PTPRE: variants seen among roughly 807,000 people sequenced by gnomAD.
PTPRE encodes protein tyrosine phosphatase receptor type E.
PTPRE carries 51 observed loss-of-function variants against 102.0 expected under a neutral mutation model. The observed-to-expected ratio is 0.50, with a 90% CI of 0.40 to 0.63. The LOEUF is 0.63. Ranked by LOEUF, PTPRE falls within the 30% of genes least tolerant of loss-of-function variation. PTPRE has a pLI of 0.00. For missense variants in PTPRE, 752 were observed against 915.1 expected (o/e 0.82, Z 2.30); for synonymous variants, 345 against 348.2 (o/e 0.99, Z 0.10).
intron 2 of PTPRE, chr10:127,999,939 G>T (rs1853697348): frequency 3.0e-6 from 3 of 985,294 alleles, no homozygotes; most frequent in Non-Finnish European, 2.4e-6. Context: ...ATCACCTAGG[G>T]GCTACTGAGA....
At chr10:127,984,651 A>G (rs539467610) in intron 2 of PTPRE, among the ~76,000 whole-genome samples, 2 of 152,264 alleles carry the variant, frequency 1.3e-5, no homozygotes, top group Admixed American at 1.3e-4. Context: ...TAATTGAATC[A>G]TGGGGGCGGT....
At chr10:127,985,737 C>G (rs750239102) in intron 2 of PTPRE, among the ~76,000 whole-genome samples, 2 of 152,074 alleles carry the variant, frequency 1.3e-5, no homozygotes, top group Non-Finnish European at 1.5e-5. Flanking sequence ...TAGTGGGTAT[C>G]AAAAGGAGTT....
chr10:127,990,820 TAA>T (rs1312722691), intron 2 of PTPRE, among the ~76,000 whole-genome samples: 1 of 152,224 alleles, frequency 6.6e-6, no homozygotes, highest in Non-Finnish European at 1.5e-5. Flanking sequence ...AACATTTTTT[TAA>T]AAAGCATTTT....
At chr10:127,917,882 T>C (rs180884757) in intron 1 of PTPRE, among the ~76,000 whole-genome samples, 1 of 151,324 alleles carries the variant, frequency 6.6e-6, no homozygotes, top group Non-Finnish European at 1.5e-5. Context: ...ATACAAAAAT[T>C]AGCTGAGCAC....
At chr10:127,987,744 T>C (rs1266563643) in intron 2 of PTPRE, among the ~76,000 whole-genome samples, 1 of 152,234 alleles carries the variant, frequency 6.6e-6, no homozygotes, top group Non-Finnish European at 1.5e-5. Context: ...GCTGGGGACA[T>C]AGGCCGGCTC....
At chr10:127,924,549 A>G (rs1393435072) in intron 1 of PTPRE, among the ~76,000 whole-genome samples, 1 of 152,190 alleles carries the variant, frequency 6.6e-6, no homozygotes, top group East Asian at 1.9e-4. Flanking sequence ...TTTTAAGACC[A>G]CAAGATCAGG....
At chr10:127,974,952 G>A (rs1851032527) in intron 1 of PTPRE, among the ~76,000 whole-genome samples, 1 of 152,020 alleles carries the variant, frequency 6.6e-6, no homozygotes, top group Non-Finnish European at 1.5e-5. Context: ...GAGTCCTACT[G>A]TACTGTGTTG....
At chr10:128,078,467 G>A (rs1021426507) in intron 19 of PTPRE, among the ~76,000 whole-genome samples, 1 of 152,228 alleles carries the variant, frequency 6.6e-6, no homozygotes, top group African/African-American at 2.4e-5. Flanking sequence ...CTCGACACCC[G>A]GCAAGGTTCT....
At chr10:127,960,460 A>C (rs1183810905) in intron 1 of PTPRE, among the ~76,000 whole-genome samples, 1 of 152,148 alleles carries the variant, frequency 6.6e-6, no homozygotes, top group Non-Finnish European at 1.5e-5. Context: ...TGTCCTGTGC[A>C]CTTAAGTCTG....
chr10:127,976,351 A>G (rs961041207), intron 1 of PTPRE, among the ~76,000 whole-genome samples: 7 of 152,172 alleles, frequency 4.6e-5, no homozygotes, highest in African/African-American at 1.7e-4. Flanking sequence ...ACCAGCAGAC[A>G]CTCGTACTTG....
intron 19 of PTPRE, among the ~76,000 whole-genome samples, chr10:128,078,813 C>A (rs1382791887): frequency 6.6e-6 from 1 of 152,226 alleles, no homozygotes; most frequent in Admixed American, 6.5e-5. Context: ...AACGCAGATG[C>A]GGGGCCGATC....
At chr10:128,047,523 C>A (rs1365277880) in intron 4 of PTPRE, 34 bp downstream of exon 4, 32 of 1,612,884 alleles carry the variant, frequency 2.0e-5, no homozygotes, top group South Asian at 1.8e-4. Flanking sequence ...CTTGCCCCAA[C>A]CAGCTCAGAG....
chr10:127,993,501 C>T (rs1852903093), intron 2 of PTPRE, among the ~76,000 whole-genome samples: 1 of 152,090 alleles, frequency 6.6e-6, no homozygotes, highest in Non-Finnish European at 1.5e-5. Context: ...CGAGGGAGCC[C>T]ATTGTCCTGG....
intron 2 of PTPRE, among the ~76,000 whole-genome samples, chr10:127,995,544 G>T (rs867353040): frequency 6.6e-6 from 1 of 152,142 alleles, no homozygotes; most frequent in African/African-American, 2.4e-5. Context: ...AGACCCTGAC[G>T]GTGGGGTTTA....
intron 1 of PTPRE, among the ~76,000 whole-genome samples, chr10:127,980,445 T>C (rs1423827448): frequency 6.6e-6 from 1 of 152,134 alleles, no homozygotes; most frequent in Non-Finnish European, 1.5e-5. Context: ...TAGACTATTA[T>C]GTCATTTGAG....
intron 1 of PTPRE, among the ~76,000 whole-genome samples, chr10:127,946,565 G>T (rs558431488): frequency 2.7e-5 from 3 of 112,642 alleles, no homozygotes; most frequent in South Asian, 6.5e-4. Flanking sequence ...TTTCCACCCC[G>T]CATTGGTAAG....
At chr10:127,932,265 G>A (rs546652378) in intron 1 of PTPRE, among the ~76,000 whole-genome samples, 1 of 152,318 alleles carries the variant, frequency 6.6e-6, no homozygotes, top group African/African-American at 2.4e-5. Flanking sequence ...GAAGAACTCT[G>A]CCATGTGTTA....
rs758762805 is a variant in PTPRE, at chr10:128,070,333, C to G, written c.1176C>G (p.Leu392=). The G allele has an allele frequency of 6.2e-7, 1 of 1,613,758 alleles. No homozygotes were observed. The highest frequency in any genetic ancestry group is 1.1e-5 in the South Asian group (1 of 90,972). The part of the protein sequence containing the change: ...MQYTFIYQAL[L]EYYLYGDTEL... ...ACACGTTCATCTACCAAGCCTTACT[C>G]GAGTACTACCTCTACGGGGACACAG... Residue 392 remains leucine, a synonymous_variant, in exon 14 of 21, where the codon CTC becomes CTG. Coordinates refer to ENST00000254667, the MANE Select transcript of PTPRE (RefSeq NM_006504.6). This position sits in a 1 kb window ranked among gnomAD's most constrained non-coding sequence, Gnocchi z 4.8.
At chr10:128,059,492 G>A (rs567119817) in intron 7 of PTPRE, among the ~76,000 whole-genome samples, 7 of 152,276 alleles carry the variant, frequency 4.6e-5, no homozygotes, top group East Asian at 3.9e-4. Context: ...CATCACAAAC[G>A]CCACAAACAC....
Sources: allele counts gnomAD v4.1 joint callset (sites outside exome capture counted in the v4.1 genomes callset), GRCh38; gene constraint gnomAD v4.1.1; non-coding constraint Gnocchi (gnomAD v3.1); transcripts MANE v1.5; gene names NCBI Gene and HGNC (gene_info 2026-07-23, HGNC 2026-07-21).